Variants in BIRC6 observed in about 807,000 individuals in gnomAD.
The protein encoded by BIRC6 is baculoviral IAP repeat containing 6.
Under a neutral mutation model 503.3 loss-of-function variants are expected in BIRC6, and 98 were observed. The ratio of observed to expected loss-of-function variants is 0.19; its 90% CI spans 0.17 to 0.23. The LOEUF is 0.23. Among genes scored for constraint, BIRC6 ranks in the 10% least tolerant of loss-of-function variants. BIRC6 has a pLI of 1.00. For synonymous variants in BIRC6, 2,240 were observed against 2,078.7 expected (o/e 1.08, Z -2.11); for missense variants, 5,360 against 5,806.0 (o/e 0.92, Z 2.50).
chr2:32,408,156 T>C (rs2041453941), intron 9 of BIRC6, among the ~76,000 whole-genome samples: 1 of 152,098 alleles, frequency 6.6e-6, no homozygotes, highest in Non-Finnish European at 1.5e-5. Flanking sequence ...TTAGTAGAGA[T>C]GGGGTTTCAC....
chr2:32,404,706 G>T lies in BIRC6; in HGVS notation c.1419-1793G>T, dbSNP rs558587331. Among the ~76,000 whole-genome samples, 7 of 151,744 alleles carry T rather than the reference G, an allele frequency of 4.6e-5. No homozygotes were observed. The East Asian group carries it at 1.4e-3, about 29-fold the overall frequency. On this transcript the variant is annotated intron_variant, in intron 8 of 73. Transcript: ENST00000421745. ...ATTTTTTTTTTTCTCTTGAAACAAG[G>T]TCTTGCTCTGTCACCCGGGCTCACG...
chr2:32,547,812 A>G, intron 63 of BIRC6, 38 bp from the exon 64 acceptor site: 1 of 1,474,716 alleles, frequency 6.8e-7, no homozygotes, highest in Non-Finnish European at 9.0e-7. Flanking sequence ...ATAAGCAAAA[A>G]CAAATTGTAA....
chr2:32,510,518 G>C lies in BIRC6; in HGVS notation c.10238-8G>C. On this transcript the variant is annotated splice_region_variant and splice_polypyrimidine_tract_variant and intron_variant, in intron 52 of 73. Coordinates refer to ENST00000421745, the MANE Select transcript of BIRC6 (RefSeq NM_016252.4). ...AGCAAACTTTTTCTTTGGATTCTTTGTTGCAAGATTTGAATAGTCCTTTAC... is the reference window on the plus strand; with the variant it reads ...AGCAAACTTTTTCTTTGGATTCTTTCTTGCAAGATTTGAATAGTCCTTTAC... 6.6e-7 allele frequency: 1 copy of C among 1,514,548 alleles called. No individual in the cohort carries two copies. Among genetic ancestry groups the C allele is most frequent in the Non-Finnish European group, 9.1e-7 (1 of 1,096,922 alleles). The allele number at this position is 1,514,548 out of a possible 1,614,324, so 93.8% of individuals were successfully genotyped here. A position where few individuals can be genotyped will look rare whatever the true frequency, so the allele number is the denominator to read the frequency against.
intron 10 of BIRC6, among the ~76,000 whole-genome samples, chr2:32,423,139 A>T (rs1454758939): frequency 6.6e-6 from 1 of 152,170 alleles, no homozygotes; most frequent in Non-Finnish European, 1.5e-5. Flanking sequence ...CATATTGGCC[A>T]GGCTGGTCTC....
intron 66 of BIRC6, 70 bp downstream of exon 66, chr2:32,575,436 T>G (rs2060196278): frequency 6.9e-7 from 1 of 1,451,734 alleles, no homozygotes; most frequent in African/African-American, 1.4e-5. Flanking sequence ...TCCATGGGTG[T>G]TTTTGTTTTT....
intron 45 of BIRC6, among the ~76,000 whole-genome samples, chr2:32,498,661 C>T (rs1184584699): frequency 1.3e-5 from 2 of 152,004 alleles, no homozygotes; most frequent in African/African-American, 4.8e-5. Flanking sequence ...GATCTCAACT[C>T]ACTGCAACCT....
At chr2:32,405,244 TACTC>T (rs1243185445) in intron 8 of BIRC6, among the ~76,000 whole-genome samples, 4 of 152,216 alleles carry the variant, frequency 2.6e-5, no homozygotes. Flanking sequence ...TTTTTACACT[TACTC>T]TGTTTCTCTG....
intron 33 of BIRC6, among the ~76,000 whole-genome samples, chr2:32,475,734 A>G (rs1286623707): frequency 1.3e-5 from 2 of 152,174 alleles, no homozygotes; most frequent in Non-Finnish European, 2.9e-5. Flanking sequence ...ATTTATTTAT[A>G]TATAGCTTAA....
intron 9 of BIRC6, among the ~76,000 whole-genome samples, chr2:32,412,729 TGA>T (rs1057122954): frequency 7.3e-5 from 11 of 151,444 alleles, no homozygotes; most frequent in African/African-American, 2.4e-4. Context: ...GAGGATGGGG[TGA>T]GAGAGAAGAA....
At chr2:32,382,312 C>G (rs2037786689) in intron 3 of BIRC6, among the ~76,000 whole-genome samples, 1 of 152,120 alleles carries the variant, frequency 6.6e-6, no homozygotes, top group Non-Finnish European at 1.5e-5. Context: ...GATGGTAGTA[C>G]CTCTGAGGGA....
intron 6 of BIRC6, among the ~76,000 whole-genome samples, chr2:32,397,800 GT>G (rs1453051400): frequency 6.6e-6 from 1 of 151,858 alleles, no homozygotes; most frequent in Non-Finnish European, 1.5e-5. Context: ...AAGTTATACA[GT>G]ATTATCAAAT....
At chr2:32,452,837 C>T (rs552006524) in intron 22 of BIRC6, among the ~76,000 whole-genome samples, 20 of 152,184 alleles carry the variant, frequency 1.3e-4, no homozygotes, top group Admixed American at 5.2e-4. Context: ...TTTTATTCTT[C>T]TGTCTCCCAA....
intron 64 of BIRC6, 47 bp from the exon 65 acceptor site, chr2:32,549,266 T>C (rs763018184): frequency 4.5e-6 from 6 of 1,336,216 alleles, no homozygotes; most frequent in East Asian, 5.1e-5. Context: ...ATAAAAACTT[T>C]TGAAGTATGT....
At chr2:32,472,969 A>G (rs2049274127) in intron 32 of BIRC6, 143 bp from the exon 33 acceptor site, 3 of 638,224 alleles carry the variant, frequency 4.7e-6, no homozygotes, top group South Asian at 2.4e-5. Flanking sequence ...ATCTTCTAGC[A>G]ATTTCTTTAC....
chr2:32,477,688 TA>T, intron 35 of BIRC6, 105 bp downstream of exon 35: 3 of 785,614 alleles, frequency 3.8e-6, no homozygotes, highest in Non-Finnish European at 5.9e-6. Context: ...TATCTGAGTC[TA>T]GGAGTTCCAG....
At position 32,453,797 on chromosome 2, in the gene BIRC6, T is replaced by G; in HGVS notation, c.4619-11T>G. On this transcript the variant is annotated splice_polypyrimidine_tract_variant and intron_variant, in intron 22 of 73. Transcript: ENST00000421745. ...TCTTCACGTGTTATAAAACTTGTCT[T>G]TTGCCATTAGGAAATGGAAAGGTCA... is the stretch of plus-strand genomic sequence containing the variant. 1 of 1,610,508 alleles carries G rather than the reference T, an allele frequency of 6.2e-7. No individual in the cohort carries two copies. The highest frequency in any genetic ancestry group is 8.5e-7 in the Non-Finnish European group (1 of 1,178,672).
Position 32,478,770 on chromosome 2 carries a change from G to C in BIRC6, c.7204G>C (p.Ala2402Pro). The change falls in exon 36 of 74, where the codon GCT (alanine) becomes CCT (proline). Residue 2402 changes from alanine to proline, a missense_variant. Around this residue, in one of 16 missense-constraint regions of BIRC6, gnomAD observed 2,299 missense variants for 2,267.2 expected, o/e 1.01. Transcript: ENST00000421745. ...TAGAGGAGATATATCTTGGGGTGGT[G>C]CTTGGGCTCAGTATTCCTTAACTTG... ...FNRGDISWGG[A>P]WAQYSLTCML... The C allele has an allele frequency of 6.2e-7, 1 of 1,613,748 alleles. No individual in the cohort carries two copies. The highest frequency in any genetic ancestry group is 8.5e-7 in the Non-Finnish European group (1 of 1,179,822).
Position 32,470,217 on chromosome 2 carries a change from G to T in BIRC6, c.6397G>T (p.Gly2133Ter). ...CIGQRSLSNS[G>*]VLESLLNLLD... ...TGGTCAAAGATCACTTAGTAATAGT[G>T]GAGTATTAGAAAGCTTACTTAATCT... The change falls in exon 31 of 74, where the codon GGA (glycine) becomes TGA (stop). Residue 2133 changes from glycine to a stop codon, truncating the protein, a stop_gained. Coordinates refer to ENST00000421745, the MANE Select transcript of BIRC6 (RefSeq NM_016252.4). LOFTEE classifies it high-confidence loss of function. The T allele has an allele frequency of 6.4e-7, 1 of 1,572,570 alleles. No individual in the cohort carries two copies. Among genetic ancestry groups the T allele is most frequent in the East Asian group, 2.3e-5 (1 of 43,572 alleles).
intron 31 of BIRC6, 24 bp from the exon 32 acceptor site, chr2:32,470,990 T>C: frequency 6.4e-7 from 1 of 1,552,638 alleles, no homozygotes; most frequent in Non-Finnish European, 8.7e-7. Flanking sequence ...TGGATGTTTT[T>C]CCTTTGCTGT....
Sources: gnomAD v4.1 joint callset for allele counts (sites outside exome capture counted in the v4.1 genomes callset) on GRCh38, gnomAD v4.1.1 for gene constraint, gnomAD v4.1.1 regional missense constraint, MANE v1.5 for transcripts, NCBI Gene and HGNC (gene_info 2026-07-23, HGNC 2026-07-21) for gene names.